CNTLN: variants seen among roughly 807,000 people sequenced by gnomAD.
CNTLN encodes centlein, also known as centlein, centrosomal protein.
CNTLN carries 212 observed loss-of-function variants against 180.0 expected under a neutral mutation model. The observed-to-expected ratio is 1.18, with a 90% CI of 1.05 to 1.32. The LOEUF (loss-of-function observed/expected upper bound fraction) is 1.32, where lower values mean the gene tolerates loss of function less well. Among genes scored for constraint, CNTLN ranks in the 40% most tolerant of loss-of-function variants. The pLI, the probability that CNTLN is intolerant of heterozygous loss-of-function variation, is 0.00. For missense variants in CNTLN, 2,095 were observed against 1,610.9 expected (o/e 1.30, Z -5.14); for synonymous variants, 722 against 563.1 (o/e 1.28, Z -3.99).
chr9:17,259,473 A>T (rs927364535), intron 5 of CNTLN, among the ~76,000 whole-genome samples: 9 of 148,312 alleles, frequency 6.1e-5, no homozygotes, highest in African/African-American at 2.3e-4. Context: ...TTGGTATCAG[A>T]ATGATGCTGG....
At chr9:17,281,653 A>C (rs1828671769) in intron 6 of CNTLN, among the ~76,000 whole-genome samples, 1 of 152,106 alleles carries the variant, frequency 6.6e-6, no homozygotes, top group South Asian at 2.1e-4. Flanking sequence ...TCCATGTTGT[A>C]TATGTACCAC....
chr9:17,268,019 A>T (rs1226706228), intron 5 of CNTLN, among the ~76,000 whole-genome samples: 2 of 152,022 alleles, frequency 1.3e-5, no homozygotes, highest in African/African-American at 4.8e-5. Flanking sequence ...GACTGTTTGA[A>T]GCCTTCTTCT....
intron 18 of CNTLN, among the ~76,000 whole-genome samples, chr9:17,416,665 C>T (rs1252435346): frequency 6.6e-6 from 1 of 151,954 alleles, no homozygotes; most frequent in East Asian, 1.9e-4. Context: ...TAATGTATTC[C>T]AGTAATCTAT....
At chr9:17,396,009 A>G (rs2133738471) in intron 15 of CNTLN, among the ~76,000 whole-genome samples, 1 of 152,314 alleles carries the variant, frequency 6.6e-6, no homozygotes, top group Admixed American at 6.5e-5. Context: ...AAAACCCACC[A>G]AAACCAAGGT....
intron 7 of CNTLN, among the ~76,000 whole-genome samples, chr9:17,304,420 G>A (rs146578931): frequency 6.6e-6 from 1 of 152,252 alleles, no homozygotes; most frequent in East Asian, 1.9e-4. Flanking sequence ...CAGCATTTAT[G>A]ATTTCTAGAC....
rs563876863 is a variant in CNTLN at position 17,446,730 on chromosome 9, T to C, written c.3115-10794T>C. ...TTAAGTATTATGAGCAATTTAATAC[T>C]ATATATGGATATTGATTTCCTCTGG... On this transcript the variant is annotated intron_variant, in intron 18 of 25. Coordinates refer to ENST00000380647, the MANE Select transcript of CNTLN (RefSeq NM_017738.4). 3.9e-5 allele frequency among the ~76,000 whole-genome samples: 6 copies of C among 152,338 alleles called. No homozygotes were observed. In the East Asian group the frequency reaches 1.2e-3, roughly 29 times the overall value.
intron 2 of CNTLN, among the ~76,000 whole-genome samples, chr9:17,179,581 C>G (rs1160852006): frequency 2.0e-5 from 3 of 152,018 alleles, no homozygotes; most frequent in African/African-American, 4.8e-5. Flanking sequence ...TGTTTTGTGG[C>G]CCAAAGTATG....
At chr9:17,513,675 G>A in the CNTLN span, among the ~76,000 whole-genome samples, 1 of 152,054 alleles carries the variant, frequency 6.6e-6, no homozygotes, top group Non-Finnish European at 1.5e-5. Context: ...CCACACTCCA[G>A]CCTGGGCAAC....
At position 17,259,312 on chromosome 9, in the gene CNTLN, C is replaced by T. The variant is rs534891237; in HGVS notation, c.850-14421C>T. On this transcript the variant is annotated intron_variant, in intron 5 of 25. Transcript: ENST00000380647. ...GCGTATATTGAACCAGCCTTGCATCCCAGGGATGAAGCCCACTTGATCATG... is the reference window on the plus strand; with the variant it reads ...GCGTATATTGAACCAGCCTTGCATCTCAGGGATGAAGCCCACTTGATCATG... Among the ~76,000 whole-genome samples, 934 of 140,544 alleles carry T rather than the reference C, an allele frequency of 6.6e-3. 6 individuals are homozygous for T. The highest frequency in any genetic ancestry group is 0.011 in the Non-Finnish European group (706 of 65,200). The allele number at this position is 140,544 out of a possible 152,430, so 92.2% of individuals were successfully genotyped here. A position where few individuals can be genotyped will look rare whatever the true frequency, so the allele number is the denominator to read the frequency against.
chr9:17,472,348 G>A lies in CNTLN; in HGVS notation c.3855+5457G>A, dbSNP rs946963867. Among the ~76,000 whole-genome samples the A allele has an allele frequency of 3.9e-5, 6 of 151,930 alleles. No individual in the cohort carries two copies. The East Asian group carries it at 5.8e-4, about 15-fold the overall frequency. ...GCCAATTGGAACATATTAGAGTCAC[G>A]CACCCCAATTATTTGTATCTCATTT... On this transcript the variant is annotated intron_variant, in intron 23 of 25. Coordinates refer to ENST00000380647, the MANE Select transcript of CNTLN (RefSeq NM_017738.4).
intron 15 of CNTLN, among the ~76,000 whole-genome samples, chr9:17,407,857 G>A (rs1209941149): frequency 6.6e-6 from 1 of 152,044 alleles, no homozygotes; most frequent in Non-Finnish European, 1.5e-5. Flanking sequence ...TGGGCGTGGT[G>A]GCTCACGCCT....
intron 2 of CNTLN, among the ~76,000 whole-genome samples, chr9:17,208,738 T>C (rs987470820): frequency 2.0e-5 from 3 of 152,166 alleles, no homozygotes; most frequent in African/African-American, 7.2e-5. Flanking sequence ...GATTTTCCAA[T>C]TTATCGGCGT....
intron 2 of CNTLN, among the ~76,000 whole-genome samples, chr9:17,176,269 TC>T (rs1402448853): frequency 6.6e-6 from 1 of 151,950 alleles, no homozygotes; most frequent in Non-Finnish European, 1.5e-5. Context: ...AATTTTCTGT[TC>T]CTAGATTGCT....
rs373742765 is a variant in CNTLN at position 17,233,811 on chromosome 9, G to A, written c.535-1847G>A. ...ATGTAATATGTGTAATATGATTTAA[G>A]TTCAGAAGTAAGCAAAACTATACAG... is the stretch of plus-strand genomic sequence containing the variant. On this transcript the variant is annotated intron_variant, in intron 3 of 25. Coordinates refer to ENST00000380647, the MANE Select transcript of CNTLN (RefSeq NM_017738.4). Among the ~76,000 whole-genome samples the A allele has an allele frequency of 5.9e-5, 9 of 152,216 alleles. No homozygotes were observed. In the East Asian group the frequency reaches 1.5e-3, roughly 26 times the overall value.
chr9:17,257,978 T>C (rs1471150577), intron 5 of CNTLN, among the ~76,000 whole-genome samples: 4 of 149,670 alleles, frequency 2.7e-5, no homozygotes, highest in African/African-American at 1.0e-4. Flanking sequence ...GCTCTTTAGT[T>C]TAATTAGATC....
At position 17,465,899 on chromosome 9, in the gene CNTLN, C is replaced by G. The variant is rs1289307733; in HGVS notation, c.3532-82C>G. 3 of 1,027,882 alleles carry G rather than the reference C, an allele frequency of 2.9e-6. No individual in the cohort carries two copies. In the African/African-American group the frequency reaches 5.0e-5, roughly 17 times the overall value. The allele number at this position is 1,027,882 out of a possible 1,614,324, so 63.7% of individuals were successfully genotyped here. On this transcript the variant is annotated intron_variant, in intron 21 of 25. Coordinates refer to ENST00000380647, the MANE Select transcript of CNTLN (RefSeq NM_017738.4). ...ATAAATGGAAGTAGACTCATTCACT[C>G]ATTTAGTTTCTGTTGGAACAAACAC...
rs144204794 is a variant in CNTLN, at chr9:17,221,547, T to A, written c.450-4656T>A. ...AATAAATCATCATAATATACATGTT[T>A]GCAAAATTTCCAGTGTGGTTTATTC... On this transcript the variant is annotated intron_variant, in intron 2 of 25. Coordinates refer to ENST00000380647, the MANE Select transcript of CNTLN (RefSeq NM_017738.4). 1.5e-3 allele frequency among the ~76,000 whole-genome samples: 229 copies of A among 152,238 alleles called. 2 individuals are homozygous for A. The highest frequency in any genetic ancestry group is 5.2e-3 in the African/African-American group (218 of 41,568).
chr9:17,372,774 T>G (rs945484599), intron 13 of CNTLN, among the ~76,000 whole-genome samples: 1 of 152,130 alleles, frequency 6.6e-6, no homozygotes, highest in Non-Finnish European at 1.5e-5. Context: ...AAAAAATTAG[T>G]CATCATGACC....
intron 12 of CNTLN, among the ~76,000 whole-genome samples, chr9:17,362,883 C>G (rs544469708): frequency 3.3e-5 from 5 of 152,030 alleles, no homozygotes; most frequent in Non-Finnish European, 7.4e-5. Context: ...TGCTATCCCT[C>G]CCCTAGTCCC....
Sources: allele counts gnomAD v4.1 joint callset (sites outside exome capture counted in the v4.1 genomes callset), GRCh38; gene constraint gnomAD v4.1.1; transcripts MANE v1.5; gene names NCBI Gene and HGNC (gene_info 2026-07-23, HGNC 2026-07-21).